The following PPP1R37 variants were observed in gnomAD, a reference collection of about 807,000 sequenced individuals.
PPP1R37 encodes leucine rich repeat containing 68.
Under a neutral mutation model 61.0 loss-of-function variants are expected in PPP1R37, and 21 were observed. That is an observed-to-expected ratio of 0.34 (90% CI 0.24 to 0.50). The LOEUF (loss-of-function observed/expected upper bound fraction) is 0.50, where lower values mean the gene tolerates loss of function less well. Ranked by LOEUF, PPP1R37 falls within the 20% of genes least tolerant of loss-of-function variation. PPP1R37 has a pLI of 0.98. For synonymous variants in PPP1R37, 443 were observed against 433.5 expected (o/e 1.02, Z -0.27); for missense variants, 910 against 952.7 (o/e 0.96, Z 0.59).
At chr19:45,109,664 A>G (rs1401902904) in intron 1 of PPP1R37, among the ~76,000 whole-genome samples, 3 of 152,302 alleles carry the variant, frequency 2.0e-5, no homozygotes, top group Admixed American at 6.5e-5. Flanking sequence ...CACCACAGCT[A>G]TGGAGGCTCA....
intron 1 of PPP1R37, among the ~76,000 whole-genome samples, chr19:45,111,471 T>G (rs1009311053): frequency 6.6e-6 from 1 of 152,124 alleles, no homozygotes; most frequent in Admixed American, 6.5e-5. Context: ...GAGACAAGGT[T>G]TTGCCTTGTT....
intron 7 of PPP1R37, chr19:45,143,168 A>G: frequency 4.5e-6 from 1 of 222,998 alleles, no homozygotes; most frequent in Non-Finnish European, 9.0e-6. Flanking sequence ...CTAGAGAGAC[A>G]ACGATAAGAT....
chr19:45,139,780 C>T (rs1007614568), intron 2 of PPP1R37, among the ~76,000 whole-genome samples: 7 of 152,260 alleles, frequency 4.6e-5, no homozygotes, highest in Non-Finnish European at 8.8e-5. Flanking sequence ...AAGCTCAGAG[C>T]GCGGGTGCTG....
chr19:45,126,005 C>T (rs984408802), intron 1 of PPP1R37, among the ~76,000 whole-genome samples: 1 of 152,316 alleles, frequency 6.6e-6, no homozygotes, highest in Non-Finnish European at 1.5e-5. Flanking sequence ...GCCCCAGGCT[C>T]CTTCCCGAGG....
chr19:45,119,109 C>T (rs755656993), intron 1 of PPP1R37, among the ~76,000 whole-genome samples: 4 of 152,104 alleles, frequency 2.6e-5, no homozygotes, highest in Non-Finnish European at 4.4e-5. Context: ...CTGCCCCAGC[C>T]TCCCGAGTAG....
intron 1 of PPP1R37, among the ~76,000 whole-genome samples, chr19:45,124,482 C>T (rs1032995340): frequency 5.3e-5 from 8 of 152,104 alleles, no homozygotes; most frequent in East Asian, 1.9e-4. Context: ...GGCTGAAGGG[C>T]GGCCCCTGAG....
Position 45,142,282 on chromosome 19 carries a change from G to C in PPP1R37, c.719-21G>C, listed in dbSNP as rs1275127949. The stretch of plus-strand genomic sequence containing the variant: ...GGGGGCAGGGGCCTGCCCAGTCACC[G>C]TGCCCCCTCCCCGTCCCCAGCCACG... On this transcript the variant is annotated intron_variant, in intron 6 of 12. Transcript: ENST00000221462. 6 of 1,535,348 alleles carry C rather than the reference G, an allele frequency of 3.9e-6. No homozygotes were observed. In the Admixed American group the frequency reaches 5.9e-5, roughly 15 times the overall value.
rs1352227716 is a variant in PPP1R37, at chr19:45,121,468, G to T, written c.203-17046G>T. 1.3e-5 allele frequency among the ~76,000 whole-genome samples: 2 copies of T among 152,252 alleles called. No individual in the cohort carries two copies. Among genetic ancestry groups the T allele is most frequent in the South Asian group, 2.1e-4 (1 of 4,834 alleles). The stretch of plus-strand genomic sequence containing the variant: ...CAGGCAGGAGGACAGCTGGGCCCTC[G>T]CATGGGCGGGATTGAGGCCACTGGA... On this transcript the variant is annotated intron_variant, in intron 1 of 12. Coordinates refer to ENST00000221462, the MANE Select transcript of PPP1R37 (RefSeq NM_019121.2). The surrounding 1 kb of genome is among the most constrained non-coding windows in gnomAD (Gnocchi z 4.2).
At chr19:45,128,160 C>T (rs1218883277) in intron 1 of PPP1R37, among the ~76,000 whole-genome samples, 1 of 152,116 alleles carries the variant, frequency 6.6e-6, no homozygotes, top group Non-Finnish European at 1.5e-5. Context: ...CCCTGTCCTC[C>T]TTTGGCTTTG....
intron 8 of PPP1R37, chr19:45,144,479 A>T (rs1310596088): frequency 4.5e-6 from 1 of 224,374 alleles, no homozygotes; most frequent in Non-Finnish European, 8.6e-6. Flanking sequence ...AAAGCAAGCC[A>T]CTCAGGTACA....
At chr19:45,107,479 C>G (rs1170955943) in intron 1 of PPP1R37, among the ~76,000 whole-genome samples, 1 of 152,060 alleles carries the variant, frequency 6.6e-6, no homozygotes, top group East Asian at 1.9e-4. Flanking sequence ...TGGCTCATGC[C>G]TGTAGTCCCA....
intron 1 of PPP1R37, among the ~76,000 whole-genome samples, chr19:45,133,508 C>G (rs148781439): frequency 0.01 from 1,578 of 152,356 alleles, 26 homozygotes; most frequent in African/African-American, 0.036. Context: ...AGCCCCATCC[C>G]TCAGGGCCAC....
chr19:45,138,699 C>T, intron 2 of PPP1R37, 88 bp downstream of exon 2: 1 of 796,038 alleles, frequency 1.3e-6, no homozygotes, highest in Non-Finnish European at 2.0e-6. Context: ...GGGCCTCCCA[C>T]TCCCCAGCCC....
Position 45,146,580 on chromosome 19 carries a change from T to G in PPP1R37, c.*18T>G, listed in dbSNP as rs78073763. On this transcript the variant is annotated 3_prime_UTR_variant, in exon 13 of 13. Coordinates refer to ENST00000221462, the MANE Select transcript of PPP1R37 (RefSeq NM_019121.2). ...ATCTCTCCTCCCCAAGTTCCCTTTTTCCGGTCGGTCTGCGATGAGCTGAGG... is the reference window on the plus strand; with the variant it reads ...ATCTCTCCTCCCCAAGTTCCCTTTTGCCGGTCGGTCTGCGATGAGCTGAGG... 0.076 allele frequency: 65,155 copies of G among 855,258 alleles called. 2,957 individuals carry two copies. Among genetic ancestry groups the G allele is most frequent in the Middle Eastern group, 0.096 (429 of 4,468 alleles). 53.0% of individuals were successfully genotyped at this position (855,258 alleles called of 1,614,324 possible). A position where few individuals can be genotyped will look rare whatever the true frequency, so the allele number is the denominator to read the frequency against.
intron 1 of PPP1R37, among the ~76,000 whole-genome samples, chr19:45,135,302 G>A (rs573645486): frequency 7.2e-5 from 11 of 152,326 alleles, no homozygotes; most frequent in African/African-American, 2.2e-4. Context: ...CATTGTGTCA[G>A]GGGTTATGGT....
At chr19:45,098,501 A>C (rs891075149) in intron 1 of PPP1R37, among the ~76,000 whole-genome samples, 2 of 152,152 alleles carry the variant, frequency 1.3e-5, no homozygotes, top group African/African-American at 4.8e-5. Flanking sequence ...CCTGACCATC[A>C]GTCCTCCAGT....
chr19:45,124,494 C>T (rs1968377103), intron 1 of PPP1R37, among the ~76,000 whole-genome samples: 1 of 152,154 alleles, frequency 6.6e-6, no homozygotes, highest in Non-Finnish European at 1.5e-5. Context: ...GCCCCTGAGA[C>T]CTGACTCTAC....
Position 45,146,427 on chromosome 19 carries a change from G to A in PPP1R37, c.2031G>A (p.Glu677=). The change falls in exon 12 of 13, where the codon GAG becomes GAA. Residue 677 remains glutamate (E), a synonymous_variant. Transcript: ENST00000221462. ...CCAAGAACGAGAAGGAGCTCGAGGA[G>A]CTGCTTCTGGAAGCCAGTCAGGAAT... The part of the protein sequence containing the change: ...SCSKNEKELE[E]LLLEASQESG... The A allele has an allele frequency of 4.6e-6, 7 of 1,535,880 alleles. No homozygotes were observed. The highest frequency in any genetic ancestry group is 1.2e-5 in the South Asian group (1 of 84,050).
At chr19:45,131,533 G>C (rs1471288559) in intron 1 of PPP1R37, among the ~76,000 whole-genome samples, 2 of 152,322 alleles carry the variant, frequency 1.3e-5, no homozygotes, top group East Asian at 1.9e-4. Flanking sequence ...CTGATAAGAT[G>C]GAGGTCTAGT....
Sources: allele counts gnomAD v4.1 joint callset (sites outside exome capture counted in the v4.1 genomes callset), GRCh38; gene constraint gnomAD v4.1.1; non-coding constraint Gnocchi (gnomAD v3.1); transcripts MANE v1.5; gene names NCBI Gene and HGNC (gene_info 2026-07-23, HGNC 2026-07-21).